The following PIAS1 variants were observed in gnomAD, a reference collection of about 807,000 sequenced individuals.
PIAS1 encodes protein inhibitor of activated STAT 1, also known as E3 SUMO-protein ligase PIAS1.
A neutral mutation model predicts 71.3 loss-of-function variants in PIAS1; 6 were observed. The ratio of observed to expected loss-of-function variants is 0.08; its 90% CI spans 0.05 to 0.17. PIAS1 has a LOEUF of 0.17. Ranked by LOEUF, PIAS1 falls within the 10% of genes least tolerant of loss-of-function variation. The pLI is 1.00. For missense variants in PIAS1, 555 were observed against 793.6 expected (o/e 0.70, Z 3.61); for synonymous variants, 303 against 292.9 (o/e 1.03, Z -0.35).
At chr15:68,102,453 T>G (rs748643976) in intron 2 of PIAS1, among the ~76,000 whole-genome samples, 7 of 152,182 alleles carry the variant, frequency 4.6e-5, no homozygotes, top group Non-Finnish European at 1.0e-4. Context: ...CACACAAATT[T>G]TAGAATTATC....
intron 2 of PIAS1, among the ~76,000 whole-genome samples, chr15:68,119,540 G>T (rs1396081215): frequency 1.3e-5 from 2 of 152,016 alleles, no homozygotes. Flanking sequence ...AGTATACTTT[G>T]TATGACTTGA....
chr15:68,090,962 G>A (rs931455941), intron 2 of PIAS1, among the ~76,000 whole-genome samples: 1 of 151,370 alleles, frequency 6.6e-6, no homozygotes, highest in Non-Finnish European at 1.5e-5. Flanking sequence ...GTGTGTGTGT[G>A]TATTTCTGGT....
intron 2 of PIAS1, among the ~76,000 whole-genome samples, chr15:68,139,574 C>T (rs577630566): frequency 1.3e-5 from 2 of 152,086 alleles, no homozygotes; most frequent in African/African-American, 4.8e-5. Flanking sequence ...TTGATCTGAT[C>T]GCTATATACT....
In PIAS1 at chr15:68,187,957, CTT is replaced by C; in HGVS notation, c.*128_*129del. On this transcript the variant is annotated 3_prime_UTR_variant, in exon 14 of 14. Coordinates refer to ENST00000249636, the MANE Select transcript of PIAS1 (RefSeq NM_016166.3). This position sits in a 1 kb window ranked among gnomAD's most constrained non-coding sequence, Gnocchi z 5.3. ...AAAGTATACAAGCGTGTTTTTTTTC[CTT>C]TTTTTAGGGAAAAAATTAAAAGAAA... The C allele has an allele frequency of 1.1e-6, 1 of 869,592 alleles. No homozygotes were observed. The highest frequency in any genetic ancestry group is 1.7e-6 in the Non-Finnish European group (1 of 581,510). 53.9% of individuals were successfully genotyped at this position (869,592 alleles called of 1,614,324 possible). A position where few individuals can be genotyped will look rare whatever the true frequency, so the allele number is the denominator to read the frequency against.
chr15:68,121,100 T>A (rs2141020092), intron 2 of PIAS1, among the ~76,000 whole-genome samples: 1 of 152,314 alleles, frequency 6.6e-6, no homozygotes, highest in Admixed American at 6.5e-5. Flanking sequence ...TCTAATCTGG[T>A]GTTGTTTTCC....
At chr15:68,123,229 CTT>C (rs373695468) in intron 2 of PIAS1, among the ~76,000 whole-genome samples, 193 of 150,098 alleles carry the variant, frequency 1.3e-3, no homozygotes, top group African/African-American at 4.5e-3. Context: ...ATTTTTAAAA[CTT>C]TTTGTAGAGA....
intron 7 of PIAS1, among the ~76,000 whole-genome samples, chr15:68,162,335 A>G (rs1378675991): frequency 6.6e-6 from 1 of 152,184 alleles, no homozygotes; most frequent in Non-Finnish European, 1.5e-5. Context: ...TTAAATATGC[A>G]AAGTTCAAAG....
intron 2 of PIAS1, among the ~76,000 whole-genome samples, chr15:68,125,051 C>G (rs1467931060): frequency 6.6e-6 from 1 of 152,174 alleles, no homozygotes; most frequent in African/African-American, 2.4e-5. Flanking sequence ...CCCATTTATA[C>G]TTTATTATGA....
intron 2 of PIAS1, among the ~76,000 whole-genome samples, chr15:68,123,385 TACAC>T (rs1198235837): frequency 6.6e-6 from 1 of 152,178 alleles, no homozygotes; most frequent in Admixed American, 6.5e-5. Flanking sequence ...CATACCCTCT[TACAC>T]ACAGAGACAC....
intron 4 of PIAS1, 52 bp from the exon 5 acceptor site, chr15:68,145,764 T>G (rs2092803825): frequency 6.0e-6 from 6 of 992,870 alleles, no homozygotes; most frequent in Non-Finnish European, 8.1e-6. Context: ...ACAATAATAC[T>G]AATGAAGTCA....
intron 1 of PIAS1, among the ~76,000 whole-genome samples, chr15:68,084,253 T>C (rs1165767878): frequency 6.6e-6 from 1 of 152,172 alleles, no homozygotes; most frequent in African/African-American, 2.4e-5. Context: ...TACTTTTTTT[T>C]TCTGTAAAAT....
intron 2 of PIAS1, among the ~76,000 whole-genome samples, chr15:68,129,936 A>T (rs1034537986): frequency 3.9e-5 from 6 of 151,980 alleles, no homozygotes; most frequent in South Asian, 4.1e-4. Flanking sequence ...AAGCAGCTAG[A>T]TTATGGGGTA....
Position 68,191,010 on chromosome 15 carries a change from C to CTCA in PIAS1, c.*3175_*3176insTCA, listed in dbSNP as rs2093117055. 1 of 152,282 alleles carries CTCA rather than the reference C, an allele frequency of 6.6e-6. No homozygotes were observed. Among genetic ancestry groups the CTCA allele is most frequent in the African/African-American group, 2.4e-5 (1 of 41,422 alleles). 9.4% of individuals were successfully genotyped at this position (152,282 alleles called of 1,614,324 possible). On this transcript the variant is annotated 3_prime_UTR_variant, in exon 14 of 14. Coordinates refer to ENST00000249636, the MANE Select transcript of PIAS1 (RefSeq NM_016166.3). ...TTTTAGACAATTTCAATTTTAAACA[C>CTCA]ATAAAACTTTCAAGATCTTCAGGAC...
Position 68,065,272 on chromosome 15 carries a change from C to T in PIAS1, c.24+10922C>T, listed in dbSNP as rs76281484. 1.1e-3 allele frequency among the ~76,000 whole-genome samples: 174 copies of T among 152,182 alleles called. 1 individual carries two copies. The highest frequency in any genetic ancestry group is 3.9e-3 in the African/African-American group (161 of 41,518). ...GGACGATCCCTTTCACCTTCCCACT[C>T]ATGGTATTTTTTATAACTTAAAAGG... On this transcript the variant is annotated intron_variant, in intron 1 of 13. Transcript: ENST00000249636.
chr15:68,131,111 A>G (rs2092685224), intron 2 of PIAS1, among the ~76,000 whole-genome samples: 1 of 152,234 alleles, frequency 6.6e-6, no homozygotes, highest in Non-Finnish European at 1.5e-5. Context: ...CCAAGAATCC[A>G]TTAGCTTATT....
At chr15:68,164,338 G>T (rs549934149) in intron 7 of PIAS1, among the ~76,000 whole-genome samples, 1 of 151,876 alleles carries the variant, frequency 6.6e-6, no homozygotes, top group Non-Finnish European at 1.5e-5. Context: ...TAATGTCCTC[G>T]AAAGTAGAAG....
At chr15:68,060,074 A>G (rs1363496441) in intron 1 of PIAS1, among the ~76,000 whole-genome samples, 1 of 152,206 alleles carries the variant, frequency 6.6e-6, no homozygotes, top group Non-Finnish European at 1.5e-5. Flanking sequence ...AGCAAACATT[A>G]CTTCAGCATC....
chr15:68,127,610 C>T (rs2092659782), intron 2 of PIAS1, among the ~76,000 whole-genome samples: 1 of 150,834 alleles, frequency 6.6e-6, no homozygotes, highest in African/African-American at 2.5e-5. Context: ...TGGGTTTATT[C>T]TTTTACAACA....
chr15:68,115,201 A>C (rs745831080), intron 2 of PIAS1, among the ~76,000 whole-genome samples: 1 of 152,116 alleles, frequency 6.6e-6, no homozygotes, highest in Non-Finnish European at 1.5e-5. Context: ...ATCCATGTGG[A>C]GGGCTTTATG....
Sources: allele counts gnomAD v4.1 joint callset (sites outside exome capture counted in the v4.1 genomes callset), GRCh38; gene constraint gnomAD v4.1.1; non-coding constraint Gnocchi (gnomAD v3.1); transcripts MANE v1.5; gene names NCBI Gene and HGNC (gene_info 2026-07-23, HGNC 2026-07-21).